The following TTC7A variants were observed in gnomAD, a reference collection of about 807,000 sequenced individuals.
The protein encoded by TTC7A is tetratricopeptide repeat domain 7A, also known as tetratricopeptide repeat protein 7A.
A neutral mutation model predicts 103.7 loss-of-function variants in TTC7A; 110 were observed. The ratio of observed to expected loss-of-function variants is 1.06; its 90% CI spans 0.91 to 1.24. TTC7A has a LOEUF of 1.24. TTC7A is among the 50% of genes most tolerant of loss of function. TTC7A has a pLI of 0.00. For synonymous variants in TTC7A, 521 were observed against 467.9 expected (o/e 1.11, Z -1.47); for missense variants, 1,340 against 1,116.3 (o/e 1.20, Z -2.86).
At chr2:47,023,195 G>A (rs551129888) in intron 12 of TTC7A, among the ~76,000 whole-genome samples, 8 of 152,226 alleles carry the variant, frequency 5.3e-5, no homozygotes, top group South Asian at 2.1e-4. Context: ...TAGTTCAGGC[G>A]GTGGAGAAGG....
chr2:47,033,007 T>C (rs1002983151), intron 15 of TTC7A, among the ~76,000 whole-genome samples: 3 of 152,072 alleles, frequency 2.0e-5, no homozygotes, highest in Non-Finnish European at 4.4e-5. Context: ...TATCTCTTTG[T>C]AAGTAAGTCA....
chr2:46,999,501 G>A (rs115299366), intron 8 of TTC7A: 15,094 of 985,278 alleles, frequency 0.015, 132 homozygotes, highest in Non-Finnish European at 0.017. Flanking sequence ...TACAGCATGC[G>A]GGACCATGCT....
At chr2:47,046,541 T>C in intron 16 of TTC7A, 110 bp downstream of exon 16, 6 of 809,296 alleles carry the variant, frequency 7.4e-6, no homozygotes, top group Non-Finnish European at 1.0e-5. Context: ...GTGAGGCTTT[T>C]GAATGAGAGC....
chr2:46,931,323 C>T (rs141532984), intron 2 of TTC7A, among the ~76,000 whole-genome samples: 1 of 152,240 alleles, frequency 6.6e-6, no homozygotes, highest in South Asian at 2.1e-4. Flanking sequence ...TGGCCTCAAG[C>T]AATCCTCTCG....
intron 11 of TTC7A, among the ~76,000 whole-genome samples, chr2:47,015,983 G>A (rs1483864965): frequency 6.6e-6 from 1 of 152,200 alleles, no homozygotes; most frequent in Non-Finnish European, 1.5e-5. Flanking sequence ...TAAAAACTCT[G>A]CGGGCTCAGA....
At chr2:47,041,613 C>A (rs1681757080) in intron 15 of TTC7A, among the ~76,000 whole-genome samples, 1 of 152,086 alleles carries the variant, frequency 6.6e-6, no homozygotes, top group African/African-American at 2.4e-5. Flanking sequence ...ATTAGCCGGG[C>A]CTGGTGGCGT....
chr2:46,995,832 G>A (rs568248578), intron 8 of TTC7A, among the ~76,000 whole-genome samples: 19 of 152,322 alleles, frequency 1.2e-4, no homozygotes, highest in Admixed American at 3.9e-4. Context: ...CCTTTCCCTC[G>A]TGGAGCTTAC....
At chr2:47,027,603 C>G (rs745357177) in intron 14 of TTC7A, among the ~76,000 whole-genome samples, 2 of 152,254 alleles carry the variant, frequency 1.3e-5, no homozygotes, top group South Asian at 4.1e-4. Context: ...AGCGGCAGCA[C>G]CAACTCTAGA....
At chr2:47,026,556 A>G (rs1679935948) in intron 14 of TTC7A, among the ~76,000 whole-genome samples, 1 of 152,216 alleles carries the variant, frequency 6.6e-6, no homozygotes, top group Non-Finnish European at 1.5e-5. Flanking sequence ...ACTCTTAAAA[A>G]GAGACTCATG....
chr2:47,024,265 G>A (rs768576995), intron 13 of TTC7A, 22 bp from the exon 14 acceptor site: 2 of 1,578,848 alleles, frequency 1.3e-6, no homozygotes, highest in Non-Finnish European at 1.7e-6. Flanking sequence ...TGCCTGACTT[G>A]TCACTCCCTC....
At position 46,946,674 on chromosome 2, in the gene TTC7A, G is replaced by A. The variant is rs114277895; in HGVS notation, c.185-3689G>A. On this transcript the variant is annotated intron_variant, in intron 1 of 19. Transcript: ENST00000319190. ...TGGTCTCAATCAGTCCTACCACCTC[G>A]GCCTCCCAAAGTGCTGGGATTATAG... 7.4e-3 allele frequency among the ~76,000 whole-genome samples: 1,125 copies of A among 152,170 alleles called. 9 individuals are homozygous for A. Among genetic ancestry groups the A allele is most frequent in the Admixed American group, 0.015 (231 of 15,286 alleles).
At chr2:47,051,569 G>A (rs1488604023) in intron 17 of TTC7A, among the ~76,000 whole-genome samples, 177 bp from the exon 18 acceptor site, 2 of 152,220 alleles carry the variant, frequency 1.3e-5, no homozygotes, top group Non-Finnish European at 2.9e-5. Context: ...GTGGGTGAGA[G>A]GACATAGTGG....
chr2:47,052,718 A>T (rs1023081207), intron 18 of TTC7A, among the ~76,000 whole-genome samples: 3 of 152,172 alleles, frequency 2.0e-5, no homozygotes, highest in Non-Finnish European at 4.4e-5. Flanking sequence ...GCAGCAGAAG[A>T]CAGAGGAGGA....
chr2:46,986,743 G>C (rs1206894787), intron 5 of TTC7A, among the ~76,000 whole-genome samples: 1 of 152,206 alleles, frequency 6.6e-6, no homozygotes, highest in Non-Finnish European at 1.5e-5. Flanking sequence ...GCTGAGAACA[G>C]GGTGGGGCCA....
At chr2:47,050,551 TC>T (rs145116950) in intron 17 of TTC7A, 1 of 154,174 alleles carries the variant, frequency 6.5e-6, no homozygotes, top group Non-Finnish European at 1.4e-5. Context: ...CAGAACACCT[TC>T]ATCAAAAACA....
At chr2:46,957,353 T>C (rs953927153) in intron 3 of TTC7A, among the ~76,000 whole-genome samples, 2 of 152,254 alleles carry the variant, frequency 1.3e-5, no homozygotes, top group African/African-American at 4.8e-5. Flanking sequence ...CCAAGAGTCA[T>C]CAGCAGAATT....
rs374968542 is a variant in TTC7A, at chr2:47,010,694, A to ATTTG, written c.1288-616_1288-613dup. ...GGCCATGCCTCCAGAGTCCTTATTT[A>ATTTG]TTTGTTTGTTTGTTTGTTTGTTTGA... is the stretch of plus-strand genomic sequence containing the variant. On this transcript the variant is annotated intron_variant, in intron 10 of 19. Coordinates refer to ENST00000319190, the MANE Select transcript of TTC7A (RefSeq NM_020458.4). Among the ~76,000 whole-genome samples the ATTTG allele has an allele frequency of 5.9e-3, 892 of 151,532 alleles. 7 individuals carry two copies. Among genetic ancestry groups the ATTTG allele is most frequent in the South Asian group, 0.014 (69 of 4,782 alleles).
intron 8 of TTC7A, among the ~76,000 whole-genome samples, chr2:46,997,363 C>T (rs567731763): frequency 1.9e-4 from 29 of 152,128 alleles, no homozygotes; most frequent in African/African-American, 6.0e-4. Context: ...GAAACGGGGT[C>T]GTCTGTTAGG....
chr2:46,996,086 A>G (rs1676151506), intron 8 of TTC7A, among the ~76,000 whole-genome samples: 1 of 152,226 alleles, frequency 6.6e-6, no homozygotes. Flanking sequence ...TATGGTGGCC[A>G]TGGTACCAAG....
Sources: gnomAD v4.1 joint callset for allele counts (sites outside exome capture counted in the v4.1 genomes callset) on GRCh38, gnomAD v4.1.1 for gene constraint, MANE v1.5 for transcripts, NCBI Gene and HGNC (gene_info 2026-07-23, HGNC 2026-07-21) for gene names.